MAD1L1: variants seen among roughly 807,000 people sequenced by gnomAD.
MAD1L1 encodes mitotic arrest deficient 1 like 1.
MAD1L1 carries 95 observed loss-of-function variants against 96.9 expected under a neutral mutation model. The ratio of observed to expected loss-of-function variants is 0.98; its 90% confidence interval spans 0.83 to 1.16. The LOEUF is 1.16. Ranked by LOEUF, MAD1L1 falls within the 50% of genes most tolerant of loss-of-function variation. The probability of loss-of-function intolerance (pLI) is 0.00; values close to 1 mark genes in which losing one functional copy is unlikely to be tolerated. For synonymous variants in MAD1L1, 473 were observed against 396.6 expected (o/e 1.19, Z -2.29); for missense variants, 1,007 against 954.4 (o/e 1.06, Z -0.73).
chr7:2,218,045 T>C lies in MAD1L1; in HGVS notation c.597-2A>G. On this transcript the variant is annotated splice_acceptor_variant, in intron 6 of 18. Coordinates refer to ENST00000265854, the MANE Select transcript of MAD1L1 (RefSeq NM_001013836.2). LOFTEE classifies it high-confidence loss of function. ...TTCTGATTGGCTTCCTGGCATTTTC[T>C]ATTGAAAGAAAAATACATCACACAC... 1 of 1,612,946 alleles carries C rather than the reference T, an allele frequency of 6.2e-7. No homozygotes were observed. The highest frequency in any genetic ancestry group is 2.2e-5 in the East Asian group (1 of 44,880).
At chr7:2,020,956 T>C (rs1398733818) in intron 12 of MAD1L1, among the ~76,000 whole-genome samples, 1 of 149,438 alleles carries the variant, frequency 6.7e-6, no homozygotes, top group Non-Finnish European at 1.5e-5. Flanking sequence ...GCAGAAAGTA[T>C]AGGAATAAAA....
chr7:1,999,884 T>C (rs985003898), intron 14 of MAD1L1, among the ~76,000 whole-genome samples: 11 of 152,226 alleles, frequency 7.2e-5, no homozygotes, highest in Non-Finnish European at 1.6e-4. Context: ...CTGAAAACAC[T>C]TCCTTCTCCA....
chr7:2,092,869 G>C (rs1227019328), intron 11 of MAD1L1, among the ~76,000 whole-genome samples: 1 of 152,002 alleles, frequency 6.6e-6, no homozygotes, highest in Non-Finnish European at 1.5e-5. Context: ...CCAACCCCAG[G>C]GCACACAGAT....
chr7:1,816,635 G>A (rs1781820906), intron 18 of MAD1L1, among the ~76,000 whole-genome samples: 1 of 152,086 alleles, frequency 6.6e-6, no homozygotes, highest in Non-Finnish European at 1.5e-5. Context: ...TGGGCCCCAT[G>A]ACCTAGTTTC....
intron 16 of MAD1L1, among the ~76,000 whole-genome samples, chr7:1,948,700 C>T (rs1411188155): frequency 1.3e-5 from 2 of 152,172 alleles, no homozygotes; most frequent in Non-Finnish European, 1.5e-5. Flanking sequence ...GGCGGCCTGC[C>T]GTGGCCAGGG....
chr7:2,197,531 A>G (rs756581554), intron 10 of MAD1L1, among the ~76,000 whole-genome samples: 2 of 152,170 alleles, frequency 1.3e-5, no homozygotes, highest in African/African-American at 2.4e-5. Flanking sequence ...TGCACTGCAC[A>G]GCCACCTTCT....
chr7:2,039,410 T>C (rs573332832), intron 12 of MAD1L1, among the ~76,000 whole-genome samples: 2 of 152,332 alleles, frequency 1.3e-5, no homozygotes, highest in South Asian at 4.1e-4. Flanking sequence ...ATATGGGAGC[T>C]GCAGTGCAGT....
intron 17 of MAD1L1, among the ~76,000 whole-genome samples, chr7:1,906,847 C>T (rs945297739): frequency 6.6e-6 from 1 of 152,252 alleles, no homozygotes; most frequent in African/African-American, 2.4e-5. Flanking sequence ...CAAGCAAGCA[C>T]ACACACAGCG....
intron 12 of MAD1L1, among the ~76,000 whole-genome samples, chr7:2,046,675 T>G (rs6969832): frequency 0.1 from 15,567 of 152,078 alleles, 2,601 homozygotes; most frequent in African/African-American, 0.35. Context: ...CGTGAGGACG[T>G]CTTAGTGTAG....
At chr7:1,887,694 T>C (rs1786173897) in intron 18 of MAD1L1, among the ~76,000 whole-genome samples, 1 of 149,298 alleles carries the variant, frequency 6.7e-6, no homozygotes. Flanking sequence ...TGTGGGTGGC[T>C]GTGCATGCAT....
At chr7:2,085,463 A>C (rs1785867872) in intron 11 of MAD1L1, among the ~76,000 whole-genome samples, 1 of 152,166 alleles carries the variant, frequency 6.6e-6, no homozygotes, top group Non-Finnish European at 1.5e-5. Context: ...GGCAGTGGCC[A>C]CTCTGATATT....
chr7:1,977,261 C>T (rs527867133), intron 15 of MAD1L1, among the ~76,000 whole-genome samples: 12 of 152,334 alleles, frequency 7.9e-5, no homozygotes, highest in African/African-American at 2.6e-4. Context: ...CGCTGCCCCA[C>T]GGGGAGGCGG....
Position 2,069,262 on chromosome 7 carries a change from T to A in MAD1L1, c.1150A>T (p.Arg384Trp). 6.2e-7 allele frequency: 1 copy of A among 1,611,924 alleles called. No homozygotes were observed. Among genetic ancestry groups the A allele is most frequent in the Admixed American group, 1.7e-5 (1 of 59,936 alleles). Residue 384 changes from arginine (R) to tryptophan (W), a missense_variant, in exon 12 of 19, where the codon AGG becomes TGG. Transcript: ENST00000265854. ...RQVSGQLLEE[R>W]KKRETHEALA... ...GCCTCGTGGGTCTCGCGCTTCTTCC[T>A]CTCCTCCAACAGCTGGCCGCTGACC...
At chr7:2,186,137 T>G (rs547942704) in intron 10 of MAD1L1, among the ~76,000 whole-genome samples, 24 of 152,332 alleles carry the variant, frequency 1.6e-4, no homozygotes, top group Non-Finnish European at 2.5e-4. Context: ...AAGTATAATT[T>G]TGGAACGTAA....
At chr7:1,868,944 G>A (rs1394197261) in intron 18 of MAD1L1, among the ~76,000 whole-genome samples, 3 of 152,224 alleles carry the variant, frequency 2.0e-5, no homozygotes, top group Admixed American at 6.5e-5. Context: ...CACCGCGCCA[G>A]GCAGAAAGCT....
chr7:1,831,522 T>C (rs1179596970), intron 18 of MAD1L1, among the ~76,000 whole-genome samples: 1 of 152,214 alleles, frequency 6.6e-6, no homozygotes, highest in Non-Finnish European at 1.5e-5. Context: ...CTCACATGTC[T>C]CTCACTTTAA....
chr7:1,880,429 G>C lies in MAD1L1; in HGVS notation c.1998+17771C>G, dbSNP rs114243861. ...CCTGCAGAGCCCAAACTTGAGGAAAGCTGGAGCCTCAGAAGGAAGGGAGGC... is the reference window on the plus strand; with the variant it reads ...CCTGCAGAGCCCAAACTTGAGGAAACCTGGAGCCTCAGAAGGAAGGGAGGC... On this transcript the variant is annotated intron_variant, in intron 18 of 18. Coordinates refer to ENST00000265854, the MANE Select transcript of MAD1L1 (RefSeq NM_001013836.2). Among the ~76,000 whole-genome samples the C allele has an allele frequency of 6.2e-3, 943 of 152,320 alleles. 11 individuals carry two copies. Among genetic ancestry groups the C allele is most frequent in the African/African-American group, 0.022 (901 of 41,576 alleles).
At chr7:2,095,418 T>C (rs573486967) in intron 11 of MAD1L1, among the ~76,000 whole-genome samples, 42 of 152,318 alleles carry the variant, frequency 2.8e-4, no homozygotes, top group African/African-American at 1.0e-3. Context: ...CAAGCACACA[T>C]CCCTTTATCC....
At chr7:2,073,809 A>G (rs1785249328) in intron 11 of MAD1L1, among the ~76,000 whole-genome samples, 1 of 152,166 alleles carries the variant, frequency 6.6e-6, no homozygotes, top group South Asian at 2.1e-4. Flanking sequence ...AATCCACATC[A>G]TGAACGGAGA....
Sources: allele counts gnomAD v4.1 joint callset (sites outside exome capture counted in the v4.1 genomes callset), GRCh38; gene constraint gnomAD v4.1.1; transcripts MANE v1.5; gene names NCBI Gene and HGNC (gene_info 2026-07-23, HGNC 2026-07-21).